Variants in TECPR2 observed in about 807,000 individuals in gnomAD.
TECPR2 encodes tectonin beta-propeller repeat containing 2, also known as tectonin beta-propeller repeat-containing protein 2.
TECPR2 carries 65 observed loss-of-function variants against 138.1 expected under a neutral mutation model. The observed-to-expected ratio is 0.47, with a 90% CI of 0.39 to 0.58. The LOEUF (loss-of-function observed/expected upper bound fraction) is 0.58. TECPR2 is among the 20% of genes least tolerant of loss of function. The pLI, the probability that TECPR2 is intolerant of heterozygous loss-of-function variation, is 0.00. For synonymous variants in TECPR2, 746 were observed against 749.8 expected (o/e 0.99, Z 0.08); for missense variants, 1,553 against 1,824.5 (o/e 0.85, Z 2.71).
rs1401274801 is a variant in TECPR2, at chr14:102,500,105, T to G, written c.*1848T>G. ...CTTTTAAAGTTGTAGCTTCGTGCTT[T>G]GTACAGTTTTCTTTCTGGTTTTAAT... is the stretch of plus-strand genomic sequence containing the variant. On this transcript the variant is annotated 3_prime_UTR_variant, in exon 20 of 20. Coordinates refer to ENST00000359520, the MANE Select transcript of TECPR2 (RefSeq NM_014844.5). 1 of 152,714 alleles carries G rather than the reference T, an allele frequency of 6.5e-6. No individual in the cohort carries two copies. The highest frequency in any genetic ancestry group is 1.5e-5 in the Non-Finnish European group (1 of 68,068). 9.5% of individuals were successfully genotyped at this position (152,714 alleles called of 1,614,324 possible). A position where few individuals can be genotyped will look rare whatever the true frequency, so the allele number is the denominator to read the frequency against.
At chr14:102,487,234 A>G (rs1398555297) in intron 17 of TECPR2, among the ~76,000 whole-genome samples, 2 of 152,212 alleles carry the variant, frequency 1.3e-5, no homozygotes, top group Admixed American at 1.3e-4. Context: ...TTCCTGGGGC[A>G]TTTGTGCTGC....
rs2139708557 is a variant in TECPR2 at position 102,419,262 on chromosome 14, C to A, written c.638+4469C>A. 6.6e-6 allele frequency among the ~76,000 whole-genome samples: 1 copy of A among 152,204 alleles called. No individual in the cohort carries two copies. The highest frequency in any genetic ancestry group is 6.5e-5 in the Admixed American group (1 of 15,292). On this transcript the variant is annotated intron_variant, in intron 5 of 19. Coordinates refer to ENST00000359520, the MANE Select transcript of TECPR2 (RefSeq NM_014844.5). This position sits in a 1 kb window ranked among gnomAD's most constrained non-coding sequence, Gnocchi z 4.8. ...CTGAGTCTGTAGCATGGAGGCTGTG[C>A]ACAGCCCTCCTCATCAGCAGGGCCA...
Position 102,428,222 on chromosome 14 carries a change from G to GTTTTTT in TECPR2, c.952-11_952-6dup, listed in dbSNP as rs565236204. ...ACCGTTGTTTAGTTTTGTGTTTTTT[G>GTTTTTT]TTTTTTTTTTTTTTTTTTTTTTGAC... On this transcript the variant is annotated intron_variant, in intron 6 of 19. Coordinates refer to ENST00000359520, the MANE Select transcript of TECPR2 (RefSeq NM_014844.5). 3.1e-3 allele frequency: 3,321 copies of GTTTTTT among 1,057,752 alleles called. 150 individuals are homozygous for GTTTTTT. Among genetic ancestry groups the GTTTTTT allele is most frequent in the South Asian group, 9.7e-3 (499 of 51,570 alleles). 65.5% of individuals were successfully genotyped at this position (1,057,752 alleles called of 1,614,324 possible).
chr14:102,442,069 C>G (rs746018855), intron 11 of TECPR2, among the ~76,000 whole-genome samples: 1 of 152,190 alleles, frequency 6.6e-6, no homozygotes, highest in Non-Finnish European at 1.5e-5. Flanking sequence ...ACCTCCACTT[C>G]CTGGGTTCAA....
At chr14:102,381,800 A>G (rs1887828674) in intron 2 of TECPR2, among the ~76,000 whole-genome samples, 1 of 152,244 alleles carries the variant, frequency 6.6e-6, no homozygotes, top group East Asian at 1.9e-4. Context: ...AATAAATACA[A>G]TAGATGATTT....
In TECPR2 at chr14:102,498,248, G is replaced by T; in HGVS notation, c.4227G>T (p.Glu1409Asp). 5 of 1,601,800 alleles carry T rather than the reference G, an allele frequency of 3.1e-6. No homozygotes were observed. The highest frequency in any genetic ancestry group is 3.4e-6 in the Non-Finnish European group (4 of 1,179,748). ...PHPEDLEDEWEVI is the reference protein window; with the variant it reads ...PHPEDLEDEWDVI Reference sequence around the variant, plus strand: ...CTGAGGACCTGGAGGACGAGTGGGAGGTCATCTGAAGGAGCCCTGGCCGAG... The same window carrying T: ...CTGAGGACCTGGAGGACGAGTGGGATGTCATCTGAAGGAGCCCTGGCCGAG... The change falls in exon 20 of 20, where the codon GAG (glutamate) becomes GAT (aspartate). Residue 1409 changes from glutamate (E) to aspartate (D), a missense_variant. Glu to Asp is a conservative substitution (Grantham distance 45, BLOSUM62 2). Transcript: ENST00000359520.
intron 18 of TECPR2, 31 bp downstream of exon 18, chr14:102,497,151 C>T (rs369613649): frequency 1.1e-5 from 17 of 1,598,656 alleles, no homozygotes; most frequent in Admixed American, 5.1e-5. Flanking sequence ...CCTGTGGTGC[C>T]GGCCAGCCGG....
intron 16 of TECPR2, among the ~76,000 whole-genome samples, chr14:102,460,773 C>T (rs1253702765): frequency 1.3e-5 from 2 of 150,366 alleles, no homozygotes; most frequent in African/African-American, 4.9e-5. Context: ...CCGCTCACTG[C>T]AAGCTCCACC....
intron 16 of TECPR2, among the ~76,000 whole-genome samples, chr14:102,464,205 A>C (rs1322372240): frequency 1.3e-5 from 2 of 152,200 alleles, no homozygotes; most frequent in African/African-American, 2.4e-5. Context: ...TGAGTATATG[A>C]AGACCTGGCT....
chr14:102,489,344 C>T (rs548227747), intron 17 of TECPR2, among the ~76,000 whole-genome samples: 6 of 152,060 alleles, frequency 3.9e-5, no homozygotes, highest in Non-Finnish European at 8.8e-5. Context: ...CCTGGCTGGG[C>T]GCGGTGGCTC....
At chr14:102,428,147 A>T (rs1595119607) in intron 6 of TECPR2, 103 bp from the exon 7 acceptor site, 7 of 1,376,878 alleles carry the variant, frequency 5.1e-6, no homozygotes, top group Non-Finnish European at 5.8e-6. Context: ...TGCAGTTATC[A>T]TTTGACTGAT....
At chr14:102,389,388 G>A (rs938066047) in intron 2 of TECPR2, among the ~76,000 whole-genome samples, 33 of 152,078 alleles carry the variant, frequency 2.2e-4, no homozygotes, top group Admixed American at 5.9e-4. Flanking sequence ...GTAGTGGGTG[G>A]AATAGTCATA....
chr14:102,443,762 C>T lies in TECPR2; in HGVS notation c.2868C>T (p.Leu956=). The T allele has an allele frequency of 1.2e-6, 2 of 1,610,856 alleles. No homozygotes were observed. Among genetic ancestry groups the T allele is most frequent in the Non-Finnish European group, 1.7e-6 (2 of 1,177,628 alleles). ...GGGCGCTGACAGAGCAGAGGGCCCT[C>T]CTGTACCGGGAGGGCGTGAGCAGCT... ...VVWALTEQRA[L]LYREGVSSFC... Residue 956 remains leucine, a synonymous_variant, in exon 12 of 20, where the codon CTC becomes CTT. Transcript: ENST00000359520. This position sits in a 1 kb window ranked among gnomAD's most constrained non-coding sequence, Gnocchi z 4.9.
At chr14:102,476,421 G>A (rs1359210111) in intron 17 of TECPR2, among the ~76,000 whole-genome samples, 1 of 151,472 alleles carries the variant, frequency 6.6e-6, no homozygotes, top group Admixed American at 6.6e-5. Context: ...AAATTTGTAG[G>A]GATTAAAATT....
At chr14:102,384,846 CTTTTTTTTTTTTT>C (rs58616138) in intron 2 of TECPR2, among the ~76,000 whole-genome samples, 3 of 99,402 alleles carry the variant, frequency 3.0e-5, no homozygotes, top group African/African-American at 4.3e-5. Context: ...TTTTCCTTTC[CTTTTTTTTTTTTT>C]TTTTTTTTTT....
In TECPR2 at chr14:102,497,112, A is replaced by C. The variant is rs1448507596; in HGVS notation, c.3923A>C (p.His1308Pro). Residue 1308 changes from histidine (H) to proline (P), a missense_variant, in exon 18 of 20, where the codon CAT becomes CCT. By Grantham distance (77) the His-to-Pro change is moderately conservative. Transcript: ENST00000359520. Reference protein sequence around the residue: ...EEMPVGTAWEHVPGLQACQLA... With the variant: ...EEMPVGTAWEPVPGLQACQLA... The stretch of plus-strand genomic sequence containing the variant: ...ATGCCTGTGGGGACCGCCTGGGAGC[A>C]TGTGCCAGGTAGGAGCCTGCAGACA... 6.2e-7 allele frequency: 1 copy of C among 1,611,246 alleles called. No homozygotes were observed. Among genetic ancestry groups the C allele is most frequent in the African/African-American group, 1.3e-5 (1 of 75,050 alleles).
Position 102,376,894 on chromosome 14 carries a change from A to G in TECPR2, c.173A>G (p.Tyr58Cys), listed in dbSNP as rs752289754. The change falls in exon 2 of 20, where the codon TAT (tyrosine) becomes TGT (cysteine). Residue 58 changes from tyrosine (Y) to cysteine (C), a missense_variant. Transcript: ENST00000359520. Reference protein sequence around the residue: ...IAVGSSIGMLYLYCRHLNQMR... With the variant: ...IAVGSSIGMLCLYCRHLNQMR... ...GTGGGCAGCAGCATCGGCATGCTCT[A>G]TCTGTACTGCCGGCACCTCAACCAG... 5 of 1,614,138 alleles carry G rather than the reference A, an allele frequency of 3.1e-6. No individual in the cohort carries two copies. Among genetic ancestry groups the G allele is most frequent in the Non-Finnish European group, 4.2e-6 (5 of 1,180,026 alleles).
At chr14:102,498,019 C>CTG in intron 19 of TECPR2, 84 bp from the exon 20 acceptor site, 6 of 1,549,740 alleles carry the variant, frequency 3.9e-6, no homozygotes, top group Admixed American at 1.8e-5. Flanking sequence ...AAGCCCAGAC[C>CTG]TGCGCCCAAG....
intron 12 of TECPR2, 136 bp from the exon 13 acceptor site, chr14:102,445,670 C>T: frequency 9.1e-7 from 1 of 1,104,574 alleles, no homozygotes; most frequent in East Asian, 2.5e-5. Context: ...CCTTCCCTGG[C>T]ACCTGCTGAT....
Sources: gnomAD v4.1 joint callset for allele counts (sites outside exome capture counted in the v4.1 genomes callset) on GRCh38, gnomAD v4.1.1 for gene constraint, Gnocchi (gnomAD v3.1) non-coding constraint, MANE v1.5 for transcripts, NCBI Gene and HGNC (gene_info 2026-07-23, HGNC 2026-07-21) for gene names.